Variants in MAP2K3 observed in about 807,000 individuals in gnomAD.
The protein encoded by MAP2K3 is dual specificity mitogen-activated protein kinase kinase 3.
A neutral mutation model predicts 46.4 loss-of-function variants in MAP2K3; 30 were observed. That is an observed-to-expected ratio of 0.65 (90% CI 0.48 to 0.88). MAP2K3 has a LOEUF of 0.88. MAP2K3 is among the 40% of genes least tolerant of loss of function. The probability of loss-of-function intolerance (pLI) is 0.00; values close to 1 mark genes in which losing one functional copy is unlikely to be tolerated. For missense variants in MAP2K3, 380 were observed against 464.5 expected, an observed-to-expected ratio of 0.82 and a Z score of 1.67; for synonymous variants, 189 against 176.3, an observed-to-expected ratio of 1.07 and a Z score of -0.57.
intron 9 of MAP2K3, among the ~76,000 whole-genome samples, chr17:21,308,217 A>C (rs1976993811): frequency 6.6e-6 from 1 of 150,866 alleles, no homozygotes; most frequent in Admixed American, 6.6e-5. Context: ...GCACAATCTC[A>C]GTTCACTGCA....
At chr17:21,289,774 C>T (rs562297611) in intron 1 of MAP2K3, among the ~76,000 whole-genome samples, 2 of 152,358 alleles carry the variant, frequency 1.3e-5, no homozygotes, top group Admixed American at 1.3e-4. Context: ...AGATACCAAG[C>T]CTGACTGCGG....
chr17:21,294,450 G>A (rs540044077), intron 1 of MAP2K3, among the ~76,000 whole-genome samples: 1 of 152,428 alleles, frequency 6.6e-6, no homozygotes, highest in Admixed American at 6.5e-5. Context: ...GCCCCTGTGG[G>A]TGACCCTTAG....
chr17:21,303,877 A>G (rs1976741358), intron 7 of MAP2K3, among the ~76,000 whole-genome samples: 2 of 152,310 alleles, frequency 1.3e-5, no homozygotes, highest in Non-Finnish European at 2.9e-5. Flanking sequence ...GTTGGCACGG[A>G]ACCTTCTGGT....
In MAP2K3 at chr17:21,302,242, G is replaced by C; in HGVS notation, c.499G>C (p.Gly167Arg). 1 of 1,518,078 alleles carries C rather than the reference G, an allele frequency of 6.6e-7. No individual in the cohort carries two copies. Among genetic ancestry groups the C allele is most frequent in the Non-Finnish European group, 9.0e-7 (1 of 1,117,306 alleles). The allele number at this position is 1,518,078 out of a possible 1,614,324, so 94.0% of individuals were successfully genotyped here. A position where few individuals can be genotyped will look rare whatever the true frequency, so the allele number is the denominator to read the frequency against. ...CATGACAATTCCAGAGGACATCCTTGGGGAGATTGCTGTGTCTGTGAGTGG... is the reference window on the plus strand; with the variant it reads ...CATGACAATTCCAGAGGACATCCTTCGGGAGATTGCTGTGTCTGTGAGTGG... ...KNMTIPEDIL[G>R]EIAVSIVRAL... The change falls in exon 6 of 12, where the codon GGG (glycine) becomes CGG (arginine). Residue 167 changes from glycine to arginine, a missense_variant. Gly to Arg is a moderately radical substitution (Grantham distance 125). Around this residue, in one of 5 missense-constraint regions of MAP2K3, gnomAD observed 294 missense variants for 275.4 expected, o/e 1.07. Transcript: ENST00000342679.
intron 1 of MAP2K3, among the ~76,000 whole-genome samples, chr17:21,294,844 A>C (rs1386521815): frequency 6.6e-6 from 1 of 152,312 alleles, no homozygotes; most frequent in Non-Finnish European, 1.5e-5. Flanking sequence ...ACATATGTCC[A>C]GAGAGGTGAA....
intron 10 of MAP2K3, 59 bp downstream of exon 10, chr17:21,312,340 C>T: frequency 6.7e-7 from 1 of 1,489,482 alleles, no homozygotes; most frequent in Non-Finnish European, 8.9e-7. Flanking sequence ...GATCCCTGCA[C>T]CTTCCTGGGC....
In MAP2K3 at chr17:21,312,287, T is replaced by G; in HGVS notation, c.914+6T>G. On this transcript the variant is annotated splice_donor_region_variant and intron_variant, in intron 10 of 11. Coordinates refer to ENST00000342679, the MANE Select transcript of MAP2K3 (RefSeq NM_145109.3). ...GTGGACTTCACTGCTCAGTGGTGAG[T>G]CTTGGGTGCTGCTGAGCGCCTGCCA... The G allele has an allele frequency of 1.3e-6, 2 of 1,587,062 alleles. No homozygotes were observed. Among genetic ancestry groups the G allele is most frequent in the Non-Finnish European group, 1.7e-6 (2 of 1,170,614 alleles).
At chr17:21,298,999 C>A in intron 3 of MAP2K3, 73 bp downstream of exon 3, 1 of 1,599,118 alleles carries the variant, frequency 6.3e-7, no homozygotes, top group South Asian at 1.1e-5. Context: ...CCCTGCAGGG[C>A]CACTTTGGGG....
intron 1 of MAP2K3, chr17:21,295,566 C>A: frequency 8.0e-7 from 1 of 1,254,284 alleles, no homozygotes; most frequent in Non-Finnish European, 1.0e-6. Context: ...CAGCCTGAGG[C>A]CTGTTTCTAG....
At position 21,314,139 on chromosome 17, in the gene MAP2K3, A is replaced by T; in HGVS notation, c.961-8A>T. On this transcript the variant is annotated splice_polypyrimidine_tract_variant and splice_region_variant and intron_variant, in intron 11 of 11. Coordinates refer to ENST00000342679, the MANE Select transcript of MAP2K3 (RefSeq NM_145109.3). ...CTCCATGGTGACTGTGCCTTCTGTC[A>T]CCCCCAGGAGCACCCCTTCTTCACC... 1 of 1,611,960 alleles carries T rather than the reference A, an allele frequency of 6.2e-7. No homozygotes were observed. The highest frequency in any genetic ancestry group is 8.5e-7 in the Non-Finnish European group (1 of 1,178,298).
At position 21,303,215 on chromosome 17, in the gene MAP2K3, G is replaced by A. The variant is rs759537407; in HGVS notation, c.549G>A (p.Lys183=). 1 of 1,614,202 alleles carries A rather than the reference G, an allele frequency of 6.2e-7. No homozygotes were observed. Among genetic ancestry groups the A allele is most frequent in the South Asian group, 1.1e-5 (1 of 91,086 alleles). The part of the protein sequence containing the change: ...IVRALEHLHS[K]LSVIHRDVKP... ...GGGCCCTGGAGCATCTGCACAGCAAGCTGTCGGTGATCCACAGAGGTCAGT... is the reference window on the plus strand; with the variant it reads ...GGGCCCTGGAGCATCTGCACAGCAAACTGTCGGTGATCCACAGAGGTCAGT... Residue 183 remains lysine, a synonymous_variant, in exon 7 of 12, where the codon AAG becomes AAA. Transcript: ENST00000342679.
chr17:21,298,702 C>T (rs1007285660), intron 2 of MAP2K3, among the ~76,000 whole-genome samples, 176 bp from the exon 3 acceptor site: 2 of 152,430 alleles, frequency 1.3e-5, no homozygotes, highest in East Asian at 1.9e-4. Flanking sequence ...TCGATGAGGC[C>T]GTGCCCAGCT....
At chr17:21,303,057 T>C in intron 6 of MAP2K3, 126 bp from the exon 7 acceptor site, 5 of 1,243,334 alleles carry the variant, frequency 4.0e-6, no homozygotes, top group Non-Finnish European at 5.7e-6. Flanking sequence ...GATGAGAGGG[T>C]GCGTAGCCTG....
intron 9 of MAP2K3, among the ~76,000 whole-genome samples, chr17:21,307,361 G>A (rs988136791): frequency 6.6e-6 from 1 of 152,298 alleles, no homozygotes; most frequent in Admixed American, 6.5e-5. Context: ...TGCCACGGGG[G>A]TGGAGAAGAC....
intron 1 of MAP2K3, among the ~76,000 whole-genome samples, chr17:21,292,793 G>C (rs985450613): frequency 9.2e-5 from 14 of 152,266 alleles, no homozygotes; most frequent in African/African-American, 3.4e-4. Flanking sequence ...GGTCTGACCG[G>C]CATTTTCTTT....
intron 9 of MAP2K3, among the ~76,000 whole-genome samples, chr17:21,310,422 C>A (rs73302008): frequency 4.6e-5 from 7 of 152,210 alleles, no homozygotes; most frequent in East Asian, 1.9e-4. Flanking sequence ...CTTGTTCCTG[C>A]TGTTTTCCTT....
intron 1 of MAP2K3, among the ~76,000 whole-genome samples, chr17:21,285,507 G>A (rs1433054090): frequency 6.6e-6 from 1 of 152,108 alleles, no homozygotes; most frequent in Non-Finnish European, 1.5e-5. Context: ...CTACACCCCA[G>A]CTCGGAACTC....
chr17:21,298,578 A>C (rs8072401), intron 2 of MAP2K3, 99 bp downstream of exon 2: 1 of 1,593,414 alleles, frequency 6.3e-7, no homozygotes, highest in Non-Finnish European at 8.6e-7. Flanking sequence ...GCCCTGCTTT[A>C]CCTCGTCCTG....
chr17:21,314,260 T>C lies in MAP2K3; in HGVS notation c.*30T>C. 6.3e-7 allele frequency: 1 copy of C among 1,585,242 alleles called. No homozygotes were observed. The highest frequency in any genetic ancestry group is 8.7e-7 in the Non-Finnish European group (1 of 1,154,754). ...TGGGCCTCGGACCCCACTCCGGCCC[T>C]CCAGAGCCCCACAGCCCCATCTGCG... On this transcript the variant is annotated 3_prime_UTR_variant, in exon 12 of 12. Coordinates refer to ENST00000342679, the MANE Select transcript of MAP2K3 (RefSeq NM_145109.3).
Sources: allele counts gnomAD v4.1 joint callset (sites outside exome capture counted in the v4.1 genomes callset), GRCh38; gene constraint gnomAD v4.1.1; regional missense constraint gnomAD v4.1.1; transcripts MANE v1.5; gene names NCBI Gene and HGNC (gene_info 2026-07-23, HGNC 2026-07-21).